Variants in CRISPLD2 observed in about 807,000 individuals in gnomAD.
CRISPLD2 encodes the protein cysteine rich secretory protein LCCL domain containing 2, also known as cysteine-rich secretory protein LCCL domain-containing 2.
CRISPLD2 carries 47 observed loss-of-function variants against 71.1 expected under a neutral mutation model. The observed-to-expected ratio is 0.66, with a 90% CI of 0.52 to 0.84. The LOEUF (loss-of-function observed/expected upper bound fraction) is 0.84. Ranked by LOEUF, CRISPLD2 falls within the 40% of genes least tolerant of loss-of-function variation. The pLI is 0.00. For missense variants in CRISPLD2, 830 were observed against 651.1 expected (o/e 1.27, Z -2.99); for synonymous variants, 317 against 250.1 (o/e 1.27, Z -2.52).
At chr16:84,882,346 G>GC (rs2071575208) in intron 13 of CRISPLD2, among the ~76,000 whole-genome samples, 1 of 22,284 alleles carries the variant, frequency 4.5e-5, no homozygotes, top group Non-Finnish European at 8.8e-5. Context: ...AACCAATAAA[G>GC]CAAAAAAAAA....
intron 8 of CRISPLD2, among the ~76,000 whole-genome samples, 198 bp from the exon 9 acceptor site, chr16:84,872,244 G>A (rs918620677): frequency 2.0e-5 from 3 of 152,162 alleles, no homozygotes; most frequent in Admixed American, 1.3e-4. Context: ...CACGGATACC[G>A]AGGGACGACT....
chr16:84,886,492 G>C (rs1477535956), intron 13 of CRISPLD2, among the ~76,000 whole-genome samples: 1 of 152,068 alleles, frequency 6.6e-6, no homozygotes, highest in African/African-American at 2.4e-5. Flanking sequence ...CTGAGCTTGG[G>C]TGTAGCTCCC....
At chr16:84,875,483 C>G (rs1489819740) in intron 11 of CRISPLD2, among the ~76,000 whole-genome samples, 1 of 147,154 alleles carries the variant, frequency 6.8e-6, no homozygotes, top group African/African-American at 2.6e-5. Flanking sequence ...TATCTGTAGC[C>G]CAAGACAATT....
At chr16:84,853,731 G>A (rs527726291) in intron 5 of CRISPLD2, among the ~76,000 whole-genome samples, 13 of 152,334 alleles carry the variant, frequency 8.5e-5, no homozygotes, top group South Asian at 2.1e-4. Flanking sequence ...TTTCCCCAAC[G>A]CTCAGAGCAC....
At chr16:84,825,864 G>A (rs944268309) in intron 1 of CRISPLD2, among the ~76,000 whole-genome samples, 1 of 152,282 alleles carries the variant, frequency 6.6e-6, no homozygotes, top group African/African-American at 2.4e-5. Flanking sequence ...CTTCTTGGGA[G>A]GTAGAAGACT....
Position 84,907,671 on chromosome 16 carries a change from T to A in CRISPLD2, c.*1029T>A, listed in dbSNP as rs1166644720. 6.6e-6 allele frequency: 1 copy of A among 152,258 alleles called. No homozygotes were observed. The highest frequency in any genetic ancestry group is 2.4e-5 in the African/African-American group (1 of 41,464). 9.4% of individuals were successfully genotyped at this position (152,258 alleles called of 1,614,324 possible). ...ATGTGCAGATTCCCCACGCACCCGA[T>A]GACCTATTTTTTCAGCCGTGGGAGG... On this transcript the variant is annotated 3_prime_UTR_variant, in exon 15 of 15. Transcript: ENST00000262424.
At chr16:84,890,956 T>G (rs4782680) in intron 14 of CRISPLD2, among the ~76,000 whole-genome samples, 29,374 of 152,098 alleles carry the variant, frequency 0.19, 2,993 homozygotes, top group South Asian at 0.28. Context: ...TAGTAGAGAT[T>G]GGATCTCGCC....
chr16:84,835,215 C>G (rs373370879), intron 1 of CRISPLD2, among the ~76,000 whole-genome samples: 49 of 152,224 alleles, frequency 3.2e-4, no homozygotes, highest in South Asian at 2.3e-3. Flanking sequence ...CTCGGCCTGC[C>G]AAGTAGCTGG....
chr16:84,848,189 C>A (rs546187794), intron 3 of CRISPLD2, among the ~76,000 whole-genome samples: 3 of 152,284 alleles, frequency 2.0e-5, no homozygotes, highest in African/African-American at 7.2e-5. Flanking sequence ...GACCTTGAGC[C>A]GCAGGGAAGC....
At chr16:84,835,088 T>A (rs1157012733) in intron 1 of CRISPLD2, among the ~76,000 whole-genome samples, 1 of 151,994 alleles carries the variant, frequency 6.6e-6, no homozygotes, top group African/African-American at 2.4e-5. Flanking sequence ...TATGGTTACT[T>A]TTCTTTTTTT....
chr16:84,854,973 C>T (rs1406814804), intron 6 of CRISPLD2, 144 bp downstream of exon 6: 1 of 679,484 alleles, frequency 1.5e-6, no homozygotes, highest in African/African-American at 1.8e-5. Context: ...TTCCTCCCGC[C>T]TCCGTGATGA....
chr16:84,863,992 G>A (rs117001762), intron 6 of CRISPLD2, among the ~76,000 whole-genome samples: 20 of 112,546 alleles, frequency 1.8e-4, no homozygotes, highest in African/African-American at 3.9e-4. Flanking sequence ...AAGAGAGAGA[G>A]AAAAAAAAAG....
intron 1 of CRISPLD2, among the ~76,000 whole-genome samples, chr16:84,820,464 T>C (rs1014025657): frequency 3.3e-5 from 5 of 152,340 alleles, no homozygotes; most frequent in Admixed American, 2.6e-4. Context: ...GTTGCATTCC[T>C]GTGTTCGTAG....
rs756544230 is a variant in CRISPLD2, at chr16:84,873,883, C to T, written c.1113-37C>T. The T allele has an allele frequency of 2.6e-6, 4 of 1,537,410 alleles. No homozygotes were observed. The South Asian group carries it at 3.6e-5, about 14-fold the overall frequency. ...TTAGAAGCAATTCTATTTGCATTTA[C>T]CTAATGCCCGTTTTTTTTTTTTTTT... On this transcript the variant is annotated intron_variant, in intron 10 of 14. Transcript: ENST00000262424.
rs570115112 is a variant in CRISPLD2, at chr16:84,822,610, C to G, written c.-75+2477C>G. On this transcript the variant is annotated intron_variant, in intron 1 of 14. Coordinates refer to ENST00000262424, the MANE Select transcript of CRISPLD2 (RefSeq NM_031476.4). ...TTTTGATCAGTCCCAGATGTGCAAACCCAGGATCACTCAAACGGGCTGACG... is the reference window on the plus strand; with the variant it reads ...TTTTGATCAGTCCCAGATGTGCAAAGCCAGGATCACTCAAACGGGCTGACG... Among the ~76,000 whole-genome samples, 187 of 152,278 alleles carry G rather than the reference C, an allele frequency of 1.2e-3. 1 individual carries two copies. Among genetic ancestry groups the G allele is most frequent in the African/African-American group, 4.0e-3 (168 of 41,554 alleles).
chr16:84,878,261 G>C (rs2071538366), intron 12 of CRISPLD2, among the ~76,000 whole-genome samples: 1 of 140,684 alleles, frequency 7.1e-6, no homozygotes, highest in Non-Finnish European at 1.5e-5. Context: ...TTTGGCCAAG[G>C]TATACAGGGT....
intron 14 of CRISPLD2, among the ~76,000 whole-genome samples, chr16:84,901,052 A>G (rs1567707638): frequency 6.6e-6 from 1 of 151,946 alleles, no homozygotes; most frequent in African/African-American, 2.4e-5. Flanking sequence ...CACGCAAAAA[A>G]AAAAAGATTA....
chr16:84,890,149 G>C (rs2071648638), intron 14 of CRISPLD2, among the ~76,000 whole-genome samples: 1 of 152,058 alleles, frequency 6.6e-6, no homozygotes, highest in Non-Finnish European at 1.5e-5. Flanking sequence ...ATGAGGTCAG[G>C]AGATCGAGAC....
At chr16:84,890,132 GC>G (rs1408581702) in intron 14 of CRISPLD2, among the ~76,000 whole-genome samples, 1 of 152,150 alleles carries the variant, frequency 6.6e-6, no homozygotes, top group African/African-American at 2.4e-5. Context: ...GCCGAGGCAG[GC>G]AGATCATGAG....
Sources: allele counts gnomAD v4.1 joint callset (sites outside exome capture counted in the v4.1 genomes callset), GRCh38; gene constraint gnomAD v4.1.1; transcripts MANE v1.5; gene names NCBI Gene and HGNC (gene_info 2026-07-23, HGNC 2026-07-21).